PLD5: variants seen among roughly 807,000 people sequenced by gnomAD.
PLD5 encodes phospholipase D family member 5, also known as inactive phospholipase D5.
PLD5 carries 36 observed loss-of-function variants against 61.1 expected under a neutral mutation model. The observed-to-expected ratio is 0.59, with a 90% CI of 0.45 to 0.78. The LOEUF (loss-of-function observed/expected upper bound fraction) is 0.78. Ranked by LOEUF, PLD5 falls within the 30% of genes least tolerant of loss-of-function variation. PLD5 has a pLI of 0.00. For synonymous variants in PLD5, 243 were observed against 242.8 expected (o/e 1.00, Z -0.01); for missense variants, 515 against 644.4 (o/e 0.80, Z 2.17).
rs559540637 is a variant in PLD5 at position 242,323,224 on chromosome 1, G to A, written c.326+24882C>T. On this transcript the variant is annotated intron_variant, in intron 2 of 9. Transcript: ENST00000536534. The stretch of plus-strand genomic sequence containing the variant: ...GGGGAAAAAAAAGAAAACTCCAGGC[G>A]GCCGTTGCTGATATTTGTATCATAA... Among the ~76,000 whole-genome samples the A allele has an allele frequency of 2.2e-4, 34 of 152,208 alleles. No individual in the cohort carries two copies. In the East Asian group the frequency reaches 2.9e-3, roughly 13 times the overall value.
intron 6 of PLD5, among the ~76,000 whole-genome samples, chr1:242,116,284 T>G (rs1056581553): frequency 6.6e-6 from 1 of 152,148 alleles, no homozygotes; most frequent in Non-Finnish European, 1.5e-5. Flanking sequence ...GACGCCCACC[T>G]TAGAAGGGGC....
At chr1:242,435,175 C>A (rs145317834) in intron 1 of PLD5, among the ~76,000 whole-genome samples, 1 of 151,942 alleles carries the variant, frequency 6.6e-6, no homozygotes, top group Non-Finnish European at 1.5e-5. Context: ...TTCCTATTTG[C>A]GAATTCACCT....
chr1:242,364,515 G>A (rs1173658292), intron 1 of PLD5, among the ~76,000 whole-genome samples: 1 of 151,972 alleles, frequency 6.6e-6, no homozygotes, highest in Non-Finnish European at 1.5e-5. Flanking sequence ...CCAGGGGTTC[G>A]AGACCAGCCT....
intron 2 of PLD5, among the ~76,000 whole-genome samples, chr1:242,326,551 C>A (rs1306233800): frequency 2.0e-5 from 3 of 152,108 alleles, no homozygotes; most frequent in Non-Finnish European, 4.4e-5. Context: ...AAATCCTCCC[C>A]CATCCCTCCT....
chr1:242,260,538 C>T (rs1445786673), intron 4 of PLD5, among the ~76,000 whole-genome samples: 2 of 152,142 alleles, frequency 1.3e-5, no homozygotes, highest in East Asian at 1.9e-4. Flanking sequence ...ATTTCACTTA[C>T]ACTCCACTTT....
rs1341714751 is a variant in PLD5 at position 242,085,799 on chromosome 1, C to T, written c.*4055G>A. ...GGCTGTTCTATGCAAGTAATGGCAG[C>T]GTTTTACATTCCTAAAGTTAAAAAT... is the stretch of plus-strand genomic sequence containing the variant. On this transcript the variant is annotated 3_prime_UTR_variant, in exon 10 of 10. Transcript: ENST00000536534. 2 of 151,722 alleles carry T rather than the reference C, an allele frequency of 1.3e-5. No individual in the cohort carries two copies. The highest frequency in any genetic ancestry group is 2.9e-5 in the Non-Finnish European group (2 of 67,988). 9.4% of individuals were successfully genotyped at this position (151,722 alleles called of 1,614,324 possible).
chr1:242,430,436 A>T (rs1236553009), intron 1 of PLD5, among the ~76,000 whole-genome samples: 1 of 152,080 alleles, frequency 6.6e-6, no homozygotes, highest in Admixed American at 6.6e-5. Flanking sequence ...CACCCTCATG[A>T]CATCATCTAA....
At chr1:242,106,348 T>C (rs1661054824) in intron 8 of PLD5, among the ~76,000 whole-genome samples, 1 of 152,234 alleles carries the variant, frequency 6.6e-6, no homozygotes, top group Non-Finnish European at 1.5e-5. Flanking sequence ...GTGCAGTGAC[T>C]GCATGAAACT....
intron 4 of PLD5, among the ~76,000 whole-genome samples, chr1:242,240,250 G>A (rs534126337): frequency 3.9e-5 from 6 of 152,206 alleles, no homozygotes; most frequent in East Asian, 3.9e-4. Flanking sequence ...TTGGAATATC[G>A]ATCTTCTCTT....
intron 1 of PLD5, among the ~76,000 whole-genome samples, chr1:242,401,169 C>T (rs376637799): frequency 5.1e-4 from 78 of 152,240 alleles, no homozygotes; most frequent in Middle Eastern, 3.4e-3. Context: ...GCATGATCTT[C>T]GATTCTTCTC....
At chr1:242,448,002 C>G (rs924826076) in intron 1 of PLD5, among the ~76,000 whole-genome samples, 10 of 152,112 alleles carry the variant, frequency 6.6e-5, no homozygotes, top group African/African-American at 2.2e-4. Context: ...ACTCAGAGTC[C>G]CATTTAATCC....
At chr1:242,481,748 G>A (rs1380047221) in intron 1 of PLD5, among the ~76,000 whole-genome samples, 1 of 152,226 alleles carries the variant, frequency 6.6e-6, no homozygotes, top group African/African-American at 2.4e-5. Context: ...TCTGAGAACA[G>A]ACAGACTGCC....
At position 242,524,110 on chromosome 1, in the gene PLD5, C is replaced by G. The variant is rs1324829684; in HGVS notation, c.167G>C (p.Arg56Pro). Residue 56 changes from arginine (R) to proline (P), a missense_variant, in exon 1 of 10, where the codon CGG becomes CCG. This residue lies in a region of PLD5 where 450 missense variants were observed against 598.1 expected (regional missense o/e 0.75). Coordinates refer to ENST00000536534, the MANE Select transcript of PLD5 (RefSeq NM_001372062.1). ...QQDYSASVWL[R>P]RKDKLEHSQQ... The stretch of plus-strand genomic sequence containing the variant: ...TACGTGCTCCAGCTTGTCTTTCCTC[C>G]GAAGCCAGACGCTGGCGCTGTAGTC... 1 of 1,535,046 alleles carries G rather than the reference C, an allele frequency of 6.5e-7. No homozygotes were observed. Among genetic ancestry groups the G allele is most frequent in the Non-Finnish European group, 8.7e-7 (1 of 1,146,344 alleles).
chr1:242,325,498 AG>A (rs1348023552), intron 2 of PLD5, among the ~76,000 whole-genome samples: 5 of 151,224 alleles, frequency 3.3e-5, no homozygotes, highest in South Asian at 2.1e-4. Flanking sequence ...TGGAGAGAAG[AG>A]AGAGAGAGAG....
At position 242,126,525 on chromosome 1, in the gene PLD5, A is replaced by G. The variant is rs1331106836; in HGVS notation, c.736-1860T>C. Reference sequence around the variant, plus strand: ...AAGCCCAAATACTTACAGCCAACTGATCTATGACAATGCAAACAAAAACAT... The same window carrying G: ...AAGCCCAAATACTTACAGCCAACTGGTCTATGACAATGCAAACAAAAACAT... On this transcript the variant is annotated intron_variant, in intron 5 of 9. Transcript: ENST00000536534. Among the ~76,000 whole-genome samples, 4 of 152,244 alleles carry G rather than the reference A, an allele frequency of 2.6e-5. No individual in the cohort carries two copies. The East Asian group carries it at 7.7e-4, about 29-fold the overall frequency.
At chr1:242,384,819 T>C (rs1206970652) in intron 1 of PLD5, among the ~76,000 whole-genome samples, 1 of 152,200 alleles carries the variant, frequency 6.6e-6, no homozygotes, top group Admixed American at 6.5e-5. Context: ...GAAGCAGTAC[T>C]CTCTCTCTGG....
rs533175947 is a variant in PLD5, at chr1:242,345,659, C to T, written c.326+2447G>A. ...AGGATTCTGTCAACCTTGATATCAA[C>T]ACTGACCTAAAGCCCACAGGTGTCC... On this transcript the variant is annotated intron_variant, in intron 2 of 9. Coordinates refer to ENST00000536534, the MANE Select transcript of PLD5 (RefSeq NM_001372062.1). The T allele has an allele frequency of 3.3e-5, 27 of 830,268 alleles. No homozygotes were observed. The South Asian group carries it at 3.3e-4, about 10-fold the overall frequency. 51.4% of individuals were successfully genotyped at this position (830,268 alleles called of 1,614,324 possible).
intron 2 of PLD5, among the ~76,000 whole-genome samples, chr1:242,336,902 C>G (rs1298052251): frequency 6.6e-6 from 1 of 152,208 alleles, no homozygotes; most frequent in Non-Finnish European, 1.5e-5. Context: ...ATACGTTTCT[C>G]TGTTTTGGTC....
intron 9 of PLD5, among the ~76,000 whole-genome samples, chr1:242,095,674 C>T (rs1660169524): frequency 6.6e-6 from 1 of 152,166 alleles, no homozygotes; most frequent in African/African-American, 2.4e-5. Context: ...GTACAAGTCA[C>T]TGCTGAATTG....
Sources: gnomAD v4.1 joint callset for allele counts (sites outside exome capture counted in the v4.1 genomes callset) on GRCh38, gnomAD v4.1.1 for gene constraint, gnomAD v4.1.1 regional missense constraint, MANE v1.5 for transcripts, NCBI Gene and HGNC (gene_info 2026-07-23, HGNC 2026-07-21) for gene names.